CSMD1: variants seen among roughly 807,000 people sequenced by gnomAD.
CSMD1 encodes CUB and Sushi multiple domains 1, also known as CUB and sushi domain-containing protein 1.
In CSMD1, 213 loss-of-function variants were observed where a neutral mutation model predicts 417.5. That is an observed-to-expected ratio of 0.51 (90% CI 0.46 to 0.57). CSMD1 has a LOEUF of 0.57. Ranked by LOEUF, CSMD1 falls within the 20% of genes least tolerant of loss-of-function variation. The pLI is 0.00. For missense variants in CSMD1, 6,923 were observed against 4,529.7 expected (o/e 1.53, Z -15.17); for synonymous variants, 2,862 against 1,736.8 (o/e 1.65, Z -16.11).
intron 7 of CSMD1, among the ~76,000 whole-genome samples, chr8:3,682,443 G>T (rs1563268321): frequency 6.6e-6 from 1 of 152,146 alleles, no homozygotes; most frequent in Non-Finnish European, 1.5e-5. Flanking sequence ...ATGAAAAAAT[G>T]CTCATCATCA....
intron 5 of CSMD1, among the ~76,000 whole-genome samples, chr8:3,891,971 A>G (rs1376885828): frequency 1.3e-5 from 2 of 152,168 alleles, no homozygotes; most frequent in Non-Finnish European, 2.9e-5. Context: ...AAAGCACAGC[A>G]TCGGCTACTT....
intron 12 of CSMD1, among the ~76,000 whole-genome samples, chr8:3,439,122 CA>C (rs1158997352): frequency 1.6e-3 from 4 of 2,492 alleles, no homozygotes; most frequent in Non-Finnish European, 2.3e-3. Context: ...GACTCCATCT[CA>C]AAAAAAAAAA....
At chr8:4,695,706 A>C (rs1034906617) in intron 1 of CSMD1, among the ~76,000 whole-genome samples, 1 of 152,116 alleles carries the variant, frequency 6.6e-6, no homozygotes, top group Non-Finnish European at 1.5e-5. Context: ...AGGTCAGTTT[A>C]CTTCAGGATT....
At chr8:3,615,250 T>A (rs1802078221) in intron 8 of CSMD1, among the ~76,000 whole-genome samples, 1 of 152,076 alleles carries the variant, frequency 6.6e-6, no homozygotes, top group South Asian at 2.1e-4. Flanking sequence ...GCAAAGTGGG[T>A]ACAAAAGGTG....
intron 1 of CSMD1, among the ~76,000 whole-genome samples, chr8:4,836,784 G>A (rs1800519770): frequency 6.6e-6 from 1 of 151,950 alleles, no homozygotes; most frequent in African/African-American, 2.4e-5. Context: ...ACTCCTGTGT[G>A]GACACACTGA....
intron 4 of CSMD1, among the ~76,000 whole-genome samples, chr8:4,018,183 T>C (rs1311088032): frequency 6.6e-6 from 1 of 152,198 alleles, no homozygotes; most frequent in African/African-American, 2.4e-5. Flanking sequence ...TAAATACACA[T>C]CTTTTACATA....
rs186910964 is a variant in CSMD1, at chr8:3,526,573, C to T, written c.1345-32847G>A. On this transcript the variant is annotated intron_variant, in intron 10 of 69. Transcript: ENST00000635120. ...CCAGAGTGTCACTAATGCATCATTG[C>T]CTGTGTTTATTCTAGGGCAATGTGT... Among the ~76,000 whole-genome samples the T allele has an allele frequency of 4.9e-3, 748 of 152,214 alleles. 5 individuals are homozygous for T. The highest frequency in any genetic ancestry group is 0.017 in the African/African-American group (714 of 41,510).
At chr8:3,104,576 T>A (rs919065232) in intron 46 of CSMD1, among the ~76,000 whole-genome samples, 2 of 152,214 alleles carry the variant, frequency 1.3e-5, no homozygotes, top group Non-Finnish European at 1.5e-5. Context: ...GGATATCTGA[T>A]AATAATTCAT....
At chr8:3,090,428 G>C (rs1462894941) in intron 48 of CSMD1, among the ~76,000 whole-genome samples, 1 of 151,668 alleles carries the variant, frequency 6.6e-6, no homozygotes, top group Non-Finnish European at 1.5e-5. Flanking sequence ...AAAGGTCTGA[G>C]TATATTTTAT....
chr8:4,094,014 A>AT (rs1800866495), intron 3 of CSMD1, among the ~76,000 whole-genome samples: 1 of 152,142 alleles, frequency 6.6e-6, no homozygotes, highest in Non-Finnish European at 1.5e-5. Flanking sequence ...AGATAGATAA[A>AT]GAAAAAAGAC....
intron 1 of CSMD1, among the ~76,000 whole-genome samples, chr8:4,754,492 A>G (rs758442120): frequency 8.6e-5 from 13 of 152,020 alleles, no homozygotes; most frequent in Non-Finnish European, 1.6e-4. Context: ...TTGCACTTCC[A>G]AGTTTAGCAT....
Position 4,299,850 on chromosome 8 carries a change from C to T in CSMD1, c.415+120103G>A, listed in dbSNP as rs182481667. ...TTCACCTTCTTGGCCAGGATGGTCT[C>T]GATCTCCTGACTTCATGATCTGCCC... On this transcript the variant is annotated intron_variant, in intron 3 of 69. Coordinates refer to ENST00000635120, the MANE Select transcript of CSMD1 (RefSeq NM_033225.6). 4.9e-3 allele frequency among the ~76,000 whole-genome samples: 744 copies of T among 152,148 alleles called. 2 individuals are homozygous for T. The highest frequency in any genetic ancestry group is 7.3e-3 in the Non-Finnish European group (496 of 67,972).
chr8:4,288,266 C>T (rs1797170083), intron 3 of CSMD1, among the ~76,000 whole-genome samples: 1 of 152,160 alleles, frequency 6.6e-6, no homozygotes, highest in African/African-American at 2.4e-5. Context: ...GACATGCCCC[C>T]ACTGGGAACA....
intron 27 of CSMD1, among the ~76,000 whole-genome samples, chr8:3,229,010 G>T (rs375335112): frequency 5.3e-5 from 8 of 152,194 alleles, no homozygotes; most frequent in Middle Eastern, 3.4e-3. Context: ...GGCTGAGAAG[G>T]CTGATAAGGA....
chr8:4,986,249 C>T (rs1016873698), intron 1 of CSMD1, among the ~76,000 whole-genome samples: 7 of 152,052 alleles, frequency 4.6e-5, no homozygotes, highest in African/African-American at 1.7e-4. Context: ...TTTTAGGAAC[C>T]ACAGTTATGT....
chr8:4,004,532 A>G (rs563414223), intron 4 of CSMD1, among the ~76,000 whole-genome samples: 1 of 152,242 alleles, frequency 6.6e-6, no homozygotes, highest in African/African-American at 2.4e-5. Flanking sequence ...AAACATAAAA[A>G]TGAAGTAGTA....
chr8:3,384,509 A>C lies in CSMD1; in HGVS notation c.2782+2985T>G, dbSNP rs569037915. Among the ~76,000 whole-genome samples, 223 of 151,288 alleles carry C rather than the reference A, an allele frequency of 1.5e-3. 1 individual carries two copies. The highest frequency in any genetic ancestry group is 5.2e-3 in the African/African-American group (214 of 41,338). ...ATTCCACATTGTTCGGTTTATCATT[A>C]GTTTTTCATATGCTCTGATACAACA... On this transcript the variant is annotated intron_variant, in intron 18 of 69. Transcript: ENST00000635120.
At chr8:4,102,161 T>G (rs1801338382) in intron 3 of CSMD1, among the ~76,000 whole-genome samples, 3 of 152,220 alleles carry the variant, frequency 2.0e-5, no homozygotes, top group Admixed American at 1.3e-4. Context: ...GTAAATGACT[T>G]ACTGGTTTTG....
chr8:3,550,221 C>T (rs1350149836), intron 10 of CSMD1, among the ~76,000 whole-genome samples: 1 of 152,142 alleles, frequency 6.6e-6, no homozygotes, highest in African/African-American at 2.4e-5. Flanking sequence ...ATTCCAATGT[C>T]TCTTCCTTTA....
Sources: gnomAD v4.1 joint callset for allele counts (sites outside exome capture counted in the v4.1 genomes callset) on GRCh38, gnomAD v4.1.1 for gene constraint, MANE v1.5 for transcripts, NCBI Gene and HGNC (gene_info 2026-07-23, HGNC 2026-07-21) for gene names.